The following KIF6 variants were observed in gnomAD, a reference collection of about 807,000 sequenced individuals.
The protein encoded by KIF6 is kinesin-like protein KIF6.
Under a neutral mutation model 112.7 loss-of-function variants are expected in KIF6, and 106 were observed. The ratio of observed to expected loss-of-function variants is 0.94; its 90% confidence interval spans 0.80 to 1.11. The LOEUF (loss-of-function observed/expected upper bound fraction) is 1.11, where lower values mean the gene tolerates loss of function less well. KIF6 is among the 50% of genes least tolerant of loss of function. The pLI, the probability that KIF6 is intolerant of heterozygous loss-of-function variation, is 0.00. For missense variants in KIF6, 929 were observed against 964.0 expected, an observed-to-expected ratio of 0.96 and a Z score of 0.48; for synonymous variants, 339 against 339.9, an observed-to-expected ratio of 1.00 and a Z score of 0.03.
intron 3 of KIF6, among the ~76,000 whole-genome samples, chr6:39,644,988 G>A (rs1294630365): frequency 6.6e-6 from 1 of 152,156 alleles, no homozygotes; most frequent in Non-Finnish European, 1.5e-5. Context: ...GCAATGAAGA[G>A]TGAGATAAAC....
chr6:39,381,644 C>T (rs1766959301), intron 16 of KIF6, among the ~76,000 whole-genome samples: 1 of 152,150 alleles, frequency 6.6e-6, no homozygotes. Flanking sequence ...TGAAATGCGG[C>T]CACCTGGGAC....
At chr6:39,563,833 T>C (rs947042906) in intron 10 of KIF6, among the ~76,000 whole-genome samples, 2 of 152,226 alleles carry the variant, frequency 1.3e-5, no homozygotes, top group African/African-American at 2.4e-5. Context: ...GAGCTCATTA[T>C]ACCCTCACCA....
At chr6:39,341,109 T>C (rs993966170) in intron 22 of KIF6, among the ~76,000 whole-genome samples, 1 of 152,172 alleles carries the variant, frequency 6.6e-6, no homozygotes, top group Admixed American at 6.5e-5. Flanking sequence ...TGCTTCCCTT[T>C]AGCTCCAGCC....
intron 13 of KIF6, among the ~76,000 whole-genome samples, chr6:39,471,805 A>G: frequency 6.6e-6 from 1 of 152,188 alleles, no homozygotes; most frequent in East Asian, 1.9e-4. Flanking sequence ...ATCTAGATAG[A>G]GATGATATAG....
At chr6:39,680,478 G>C (rs1787449451) in intron 3 of KIF6, among the ~76,000 whole-genome samples, 1 of 152,166 alleles carries the variant, frequency 6.6e-6, no homozygotes, top group South Asian at 2.1e-4. Context: ...ACAGTAAACA[G>C]GAGAACACCA....
At chr6:39,382,971 TGAGAAGTGTC>T (rs1767089736) in intron 16 of KIF6, among the ~76,000 whole-genome samples, 2 of 147,672 alleles carry the variant, frequency 1.4e-5, no homozygotes, top group African/African-American at 2.6e-5. Context: ...TGTCTTCTTT[TGAGAAGTGTC>T]TGTTCCTGTC....
At chr6:39,625,420 T>C (rs969240513) in intron 5 of KIF6, among the ~76,000 whole-genome samples, 1 of 152,130 alleles carries the variant, frequency 6.6e-6, no homozygotes, top group African/African-American at 2.4e-5. Flanking sequence ...CTGACAGTGT[T>C]TCAGTTCTCA....
At chr6:39,423,002 T>C (rs1002500950) in intron 14 of KIF6, among the ~76,000 whole-genome samples, 1 of 152,224 alleles carries the variant, frequency 6.6e-6, no homozygotes, top group Non-Finnish European at 1.5e-5. Flanking sequence ...GTTGTGTAAC[T>C]CAGCCAGGAC....
chr6:39,513,395 G>T (rs1776891592), intron 13 of KIF6, among the ~76,000 whole-genome samples: 1 of 152,210 alleles, frequency 6.6e-6, no homozygotes, highest in African/African-American at 2.4e-5. Flanking sequence ...TCCACAATAT[G>T]TTGAGACATT....
At chr6:39,642,620 G>GA (rs35857688) in intron 3 of KIF6, among the ~76,000 whole-genome samples, 1 of 151,844 alleles carries the variant, frequency 6.6e-6, no homozygotes. Context: ...GGTGTTTGTT[G>GA]AAAAAAAATC....
At chr6:39,423,979 A>G (rs570921010) in intron 14 of KIF6, among the ~76,000 whole-genome samples, 1 of 151,972 alleles carries the variant, frequency 6.6e-6, no homozygotes, top group East Asian at 1.9e-4. Context: ...TGGTCCTGTT[A>G]CTCCCCTGCT....
At chr6:39,592,036 C>A (rs111237201) in intron 7 of KIF6, among the ~76,000 whole-genome samples, 1 of 152,066 alleles carries the variant, frequency 6.6e-6, no homozygotes, top group Admixed American at 6.6e-5. Context: ...GGCAAGAACC[C>A]GGGAGATGGA....
intron 13 of KIF6, among the ~76,000 whole-genome samples, chr6:39,447,787 T>A (rs1478171195): frequency 6.6e-6 from 1 of 152,244 alleles, no homozygotes; most frequent in East Asian, 1.9e-4. Context: ...CCCCACTTCC[T>A]GTTCTCGCCT....
chr6:39,447,715 T>C (rs1005343106), intron 13 of KIF6, among the ~76,000 whole-genome samples: 12 of 152,142 alleles, frequency 7.9e-5, no homozygotes, highest in South Asian at 2.1e-4. Context: ...TATCTTTCAA[T>C]TTCTTTGGTC....
In KIF6 at chr6:39,578,223, A is replaced by T. The variant is rs1582180551; in HGVS notation, c.1078-64T>A. On this transcript the variant is annotated intron_variant, in intron 9 of 22. Transcript: ENST00000287152. ...CATTAAGGTGAACTTGGTGACAGAG[A>T]ACATACAGCTCTTAAAATTATGGAC... The T allele has an allele frequency of 5.9e-6, 6 of 1,019,756 alleles. No homozygotes were observed. The South Asian group carries it at 7.7e-5, about 13-fold the overall frequency. 63.2% of individuals were successfully genotyped at this position (1,019,756 alleles called of 1,614,324 possible). A position where few individuals can be genotyped will look rare whatever the true frequency, so the allele number is the denominator to read the frequency against.
intron 16 of KIF6, among the ~76,000 whole-genome samples, chr6:39,375,384 A>G (rs1401873280): frequency 6.6e-6 from 1 of 152,236 alleles, no homozygotes; most frequent in Non-Finnish European, 1.5e-5. Context: ...TGAGGCAATG[A>G]ATATGTTAAT....
chr6:39,458,550 G>A (rs1773291664), intron 13 of KIF6, among the ~76,000 whole-genome samples: 1 of 150,804 alleles, frequency 6.6e-6, no homozygotes, highest in Non-Finnish European at 1.5e-5. Flanking sequence ...GGAAATAAAA[G>A]GTATTCAATT....
chr6:39,539,405 C>T (rs1414235481), intron 13 of KIF6, among the ~76,000 whole-genome samples: 4 of 151,936 alleles, frequency 2.6e-5, no homozygotes, highest in Admixed American at 2.0e-4. Context: ...GTGTAGTGGC[C>T]TGATCTTGGC....
chr6:39,665,994 T>C (rs574546201), intron 3 of KIF6, among the ~76,000 whole-genome samples: 201 of 152,302 alleles, frequency 1.3e-3, no homozygotes, highest in African/African-American at 4.7e-3. Context: ...TGAACATAAT[T>C]ATTTTCAAAT....
Sources: gnomAD v4.1 joint callset for allele counts (sites outside exome capture counted in the v4.1 genomes callset) on GRCh38, gnomAD v4.1.1 for gene constraint, MANE v1.5 for transcripts, NCBI Gene and HGNC (gene_info 2026-07-23, HGNC 2026-07-21) for gene names.